TECR: variants seen among roughly 807,000 people sequenced by gnomAD.
TECR encodes the protein very-long-chain enoyl-CoA reductase.
A neutral mutation model predicts 50.6 loss-of-function variants in TECR; 19 were observed. That is an observed-to-expected ratio of 0.38 (90% confidence interval 0.26 to 0.55). The LOEUF is 0.55. Among genes scored for constraint, TECR ranks in the 20% least tolerant of loss-of-function variants. The probability of loss-of-function intolerance (pLI) is 0.79; values close to 1 mark genes in which losing one functional copy is unlikely to be tolerated. For synonymous variants in TECR, 168 were observed against 163.5 expected (o/e 1.03, Z -0.21); for missense variants, 313 against 408.3 (o/e 0.77, Z 2.01).
At chr19:14,561,026 G>C (rs1479237875) in intron 1 of TECR, among the ~76,000 whole-genome samples, 1 of 152,172 alleles carries the variant, frequency 6.6e-6, no homozygotes, top group Admixed American at 6.5e-5. Context: ...CTACAAGGCA[G>C]GGCTGGTTAC....
chr19:14,528,143 C>T (rs751459108), upstream of TECR, among the ~76,000 whole-genome samples: 8 of 152,034 alleles, frequency 5.3e-5, no homozygotes, highest in East Asian at 1.9e-4. Flanking sequence ...CTTGGCCTCC[C>T]GAAGTGCTGG....
chr19:14,534,905 C>G (rs982270766), intron 1 of TECR, among the ~76,000 whole-genome samples: 7 of 152,212 alleles, frequency 4.6e-5, no homozygotes, highest in African/African-American at 1.4e-4. Context: ...ACACTGATGG[C>G]TTCTCTGCTG....
Position 14,563,157 on chromosome 19 carries a change from G to T in TECR, c.67-49G>T. 1 of 1,613,522 alleles carries T rather than the reference G, an allele frequency of 6.2e-7. No homozygotes were observed. The highest frequency in any genetic ancestry group is 8.5e-7 in the Non-Finnish European group (1 of 1,179,772). ...CCCCTTTAGTACCTCCCCATCCTGA[G>T]TCTGGGCTCCCCGCAGAGCTGACGT... is the stretch of plus-strand genomic sequence containing the variant. On this transcript the variant is annotated intron_variant, in intron 2 of 12. Transcript: ENST00000215567. This position sits in a 1 kb window ranked among gnomAD's most constrained non-coding sequence, Gnocchi z 5.3.
intron 1 of TECR, among the ~76,000 whole-genome samples, chr19:14,543,528 T>G (rs566323577): frequency 1.9e-4 from 26 of 135,386 alleles, no homozygotes; most frequent in Non-Finnish European, 3.7e-4. Flanking sequence ...AAGCTCCGTC[T>G]CCCGGGTTCA....
At chr19:14,558,528 G>T (rs1416167554) in intron 1 of TECR, among the ~76,000 whole-genome samples, 3 of 152,154 alleles carry the variant, frequency 2.0e-5, no homozygotes, top group Non-Finnish European at 4.4e-5. Context: ...CTCCTGGTGA[G>T]AATTCCTCTC....
chr19:14,553,347 A>G (rs2073605563), intron 1 of TECR, among the ~76,000 whole-genome samples: 1 of 152,154 alleles, frequency 6.6e-6, no homozygotes, highest in South Asian at 2.1e-4. Flanking sequence ...GGTAGAAGAC[A>G]GGAGCAGAGC....
At chr19:14,538,293 C>T (rs2072975710) in intron 1 of TECR, among the ~76,000 whole-genome samples, 1 of 152,084 alleles carries the variant, frequency 6.6e-6, no homozygotes, top group Admixed American at 6.6e-5. Flanking sequence ...CCACTCTGTC[C>T]TTGGGACAGT....
At chr19:14,550,424 G>C (rs1473978119) in intron 1 of TECR, among the ~76,000 whole-genome samples, 3 of 152,100 alleles carry the variant, frequency 2.0e-5, no homozygotes, top group African/African-American at 7.2e-5. Flanking sequence ...GCCCGGATGA[G>C]CTCCTCCTGC....
intron 1 of TECR, among the ~76,000 whole-genome samples, chr19:14,559,893 G>A (rs1017929297): frequency 1.2e-4 from 18 of 152,166 alleles, no homozygotes; most frequent in African/African-American, 4.3e-4. Flanking sequence ...GGAGATGGCC[G>A]ACGAGCTGGG....
chr19:14,534,030 A>C (rs951701629), intron 1 of TECR: 2 of 152,158 alleles, frequency 1.3e-5, no homozygotes, highest in African/African-American at 4.8e-5. Context: ...GTCTGTCTTC[A>C]GCCTCCAGCA....
Position 14,564,029 on chromosome 19 carries a change from C to A in TECR, c.315C>A (p.Phe105Leu). The A allele has an allele frequency of 1.9e-6, 3 of 1,613,998 alleles. No individual in the cohort carries two copies. The highest frequency in any genetic ancestry group is 1.7e-6 in the Non-Finnish European group (2 of 1,179,958). ...GGCCCCTTTTCATCTACCTGCTCTTCTACTTCCGAGTGCCCTTCATCTATG... is the reference window on the plus strand; with the variant it reads ...GGCCCCTTTTCATCTACCTGCTCTTATACTTCCGAGTGCCCTTCATCTATG... ...YAGPLFIYLL[F>L]YFRVPFIYGH... Residue 105 changes from phenylalanine (F) to leucine (L), a missense_variant, in exon 6 of 13, where the codon TTC becomes TTA. Physicochemically the swap from Phe to Leu is conservative, Grantham distance 22. Coordinates refer to ENST00000215567, the MANE Select transcript of TECR (RefSeq NM_138501.6).
At chr19:14,534,893 CCA>C (rs1242322827) in intron 1 of TECR, among the ~76,000 whole-genome samples, 5 of 152,206 alleles carry the variant, frequency 3.3e-5, no homozygotes, top group South Asian at 2.1e-4. Context: ...CCAGTTTTGT[CCA>C]CACTGATGGC....
Position 14,537,741 on chromosome 19 carries a change from A to C in TECR, c.15+8030A>C, listed in dbSNP as rs1444440786. Reference sequence around the variant, plus strand: ...ACGGTGAATATAGTGCTTAATTATCAGTGTTTTTTTTTTTTTTTTTTTGAG... The same window carrying C: ...ACGGTGAATATAGTGCTTAATTATCCGTGTTTTTTTTTTTTTTTTTTTGAG... On this transcript the variant is annotated intron_variant, in intron 1 of 12. Coordinates refer to ENST00000215567, the MANE Select transcript of TECR (RefSeq NM_138501.6). Among the ~76,000 whole-genome samples, 22 of 125,252 alleles carry C rather than the reference A, an allele frequency of 1.8e-4. No individual in the cohort carries two copies. In the Admixed American group the frequency reaches 1.9e-3, roughly 11 times the overall value. 82.2% of individuals were successfully genotyped at this position (125,252 alleles called of 152,430 possible).
chr19:14,535,592 ATG>A (rs1412417413), intron 1 of TECR, among the ~76,000 whole-genome samples: 4 of 51,230 alleles, frequency 7.8e-5, no homozygotes, highest in African/African-American at 2.0e-4. Context: ...ATATATATGT[ATG>A]TATATATAAA....
upstream of TECR, among the ~76,000 whole-genome samples, chr19:14,528,100 T>G (rs549720413): frequency 2.6e-5 from 4 of 152,034 alleles, no homozygotes; most frequent in South Asian, 8.3e-4. Context: ...TCCAGGCTGG[T>G]CTTGAATTCC....
In TECR at chr19:14,565,598, C is replaced by T; in HGVS notation, c.754-20C>T. On this transcript the variant is annotated intron_variant, in intron 11 of 12. Coordinates refer to ENST00000215567, the MANE Select transcript of TECR (RefSeq NM_138501.6). Reference sequence around the variant, plus strand: ...CGGGTTGCGAGGCTGCCCACGCTCACTCTCCGCCCCTGCCCACAGGTGGGG... The same window carrying T: ...CGGGTTGCGAGGCTGCCCACGCTCATTCTCCGCCCCTGCCCACAGGTGGGG... The T allele has an allele frequency of 6.2e-7, 1 of 1,607,698 alleles. No individual in the cohort carries two copies. The highest frequency in any genetic ancestry group is 1.1e-5 in the South Asian group (1 of 90,388).
chr19:14,528,688 C>T (rs1018091290), upstream of TECR, among the ~76,000 whole-genome samples: 2 of 151,880 alleles, frequency 1.3e-5, no homozygotes, highest in Admixed American at 6.6e-5. Context: ...GCCTGTAATC[C>T]TAGCACTTTG....
chr19:14,535,580 A>G (rs1309329529), intron 1 of TECR, among the ~76,000 whole-genome samples: 13 of 38,210 alleles, frequency 3.4e-4, no homozygotes, highest in Non-Finnish European at 7.2e-4. Context: ...ATATATATAT[A>G]TATATATATG....
chr19:14,565,712 A>G, intron 12 of TECR, 32 bp from the exon 13 acceptor site: 17 of 1,612,088 alleles, frequency 1.1e-5, no homozygotes, highest in Non-Finnish European at 1.4e-5. Flanking sequence ...CCGGGCCGGC[A>G]GCCCCTCCCT....
Sources: allele counts gnomAD v4.1 joint callset (sites outside exome capture counted in the v4.1 genomes callset), GRCh38; gene constraint gnomAD v4.1.1; non-coding constraint Gnocchi (gnomAD v3.1); transcripts MANE v1.5; gene names NCBI Gene and HGNC (gene_info 2026-07-23, HGNC 2026-07-21).